NALF1: variants seen among roughly 807,000 people sequenced by gnomAD.
NALF1 encodes family with sequence similarity 155 member A.
NALF1 carries 3 observed loss-of-function variants against 48.4 expected under a neutral mutation model. The observed-to-expected ratio is 0.06, with a 90% CI of 0.03 to 0.16. The LOEUF (loss-of-function observed/expected upper bound fraction) is 0.16, where lower values mean the gene tolerates loss of function less well. Among genes scored for constraint, NALF1 ranks in the 10% least tolerant of loss-of-function variants. NALF1 has a pLI of 1.00. For missense variants in NALF1, 526 were observed against 571.5 expected, an observed-to-expected ratio of 0.92 and a Z score of 0.81; for synonymous variants, 262 against 245.7, an observed-to-expected ratio of 1.07 and a Z score of -0.62.
chr13:107,224,196 A>G (rs1271935125), intron 1 of NALF1, among the ~76,000 whole-genome samples: 1 of 151,950 alleles, frequency 6.6e-6, no homozygotes, highest in Non-Finnish European at 1.5e-5. Context: ...ATTAAATGGC[A>G]GCACCCAGTT....
intron 1 of NALF1, among the ~76,000 whole-genome samples, chr13:107,690,208 GCTC>G (rs1164267818): frequency 1.3e-5 from 2 of 152,172 alleles, no homozygotes; most frequent in African/African-American, 4.8e-5. Flanking sequence ...GTTCTGCTGT[GCTC>G]CTAACTCCAT....
chr13:107,230,376 A>G (rs775901682), intron 1 of NALF1, among the ~76,000 whole-genome samples: 7 of 152,194 alleles, frequency 4.6e-5, no homozygotes, highest in Non-Finnish European at 7.3e-5. Context: ...AAGTAACTCT[A>G]TATCTATGCA....
At chr13:107,708,747 T>C (rs1462630488) in intron 1 of NALF1, among the ~76,000 whole-genome samples, 4 of 152,140 alleles carry the variant, frequency 2.6e-5, no homozygotes, top group African/African-American at 9.7e-5. Flanking sequence ...AACTTCTAAG[T>C]TCCAGGGTAC....
intron 1 of NALF1, among the ~76,000 whole-genome samples, chr13:107,458,491 G>A (rs746880209): frequency 6.6e-6 from 1 of 152,196 alleles, no homozygotes; most frequent in Non-Finnish European, 1.5e-5. Flanking sequence ...ATGAGAAGCA[G>A]GCAGGTATTC....
chr13:107,582,344 T>G (rs4334144), intron 1 of NALF1, among the ~76,000 whole-genome samples: 79,820 of 151,444 alleles, frequency 0.53, 21,670 homozygotes, highest in African/African-American at 0.63. Flanking sequence ...GTAACAAACA[T>G]GACAGTGACG....
intron 1 of NALF1, among the ~76,000 whole-genome samples, chr13:107,428,095 T>A (rs569573990): frequency 6.6e-6 from 1 of 152,302 alleles, no homozygotes; most frequent in African/African-American, 2.4e-5. Flanking sequence ...GATGAGCTCA[T>A]CCTTGAAGGA....
intron 1 of NALF1, among the ~76,000 whole-genome samples, chr13:107,700,232 C>G (rs1429026605): frequency 1.3e-5 from 2 of 151,776 alleles, no homozygotes; most frequent in African/African-American, 2.4e-5. Context: ...TTGGAGGCAT[C>G]AAAATTCCTG....
chr13:107,700,256 TTACAA>T lies in NALF1; in HGVS notation c.915+165421_915+165425del, dbSNP rs555150467. ...TCAAAATTCCTGGTTAAAAATTGTATTACAAAGTTACAGTACTCAGAACAGTATGG... is the reference window on the plus strand; with the variant it reads ...TCAAAATTCCTGGTTAAAAATTGTATAGTTACAGTACTCAGAACAGTATGG... On this transcript the variant is annotated intron_variant, in intron 1 of 2. Coordinates refer to ENST00000375915, the MANE Select transcript of NALF1 (RefSeq NM_001080396.3). Among the ~76,000 whole-genome samples, 5 of 151,990 alleles carry T rather than the reference TTACAA, an allele frequency of 3.3e-5. No homozygotes were observed. In the South Asian group the frequency reaches 1.0e-3, roughly 31 times the overall value.
At chr13:107,208,636 A>G (rs1467560042) in intron 2 of NALF1, among the ~76,000 whole-genome samples, 3 of 152,176 alleles carry the variant, frequency 2.0e-5, no homozygotes, top group African/African-American at 7.2e-5. Flanking sequence ...TAAATGCATA[A>G]ACACAACCTG....
At chr13:107,721,740 A>G (rs1333403750) in intron 1 of NALF1, among the ~76,000 whole-genome samples, 2 of 152,162 alleles carry the variant, frequency 1.3e-5, no homozygotes, top group East Asian at 3.9e-4. Context: ...TCTGCTTCTC[A>G]TTATAATGAT....
At chr13:107,562,674 C>A (rs182378886) in intron 1 of NALF1, among the ~76,000 whole-genome samples, 15 of 152,142 alleles carry the variant, frequency 9.9e-5, no homozygotes, top group Non-Finnish European at 1.9e-4. Context: ...AAACATAATG[C>A]CATTTGTTTC....
At chr13:107,839,993 G>T (rs988763912) in intron 1 of NALF1, among the ~76,000 whole-genome samples, 2 of 150,140 alleles carry the variant, frequency 1.3e-5, no homozygotes, top group Non-Finnish European at 3.0e-5. Flanking sequence ...GTAGACAAAG[G>T]GAGATCTACA....
intron 1 of NALF1, among the ~76,000 whole-genome samples, chr13:107,235,898 G>T (rs1001130391): frequency 2.0e-5 from 3 of 152,202 alleles, no homozygotes; most frequent in Admixed American, 1.3e-4. Flanking sequence ...GAAAGGCATT[G>T]TGTTTCTACT....
At chr13:107,511,452 G>T (rs1038077593) in intron 1 of NALF1, among the ~76,000 whole-genome samples, 1 of 152,098 alleles carries the variant, frequency 6.6e-6, no homozygotes, top group African/African-American at 2.4e-5. Flanking sequence ...ATGTGCAGAG[G>T]AGAAAAATAA....
At chr13:107,631,514 AC>A (rs1343559311) in intron 1 of NALF1, among the ~76,000 whole-genome samples, 1 of 152,164 alleles carries the variant, frequency 6.6e-6, no homozygotes, top group Non-Finnish European at 1.5e-5. Context: ...AATTTGGTAA[AC>A]ATAGCAGAAA....
chr13:107,411,301 G>GTT lies in NALF1; in HGVS notation c.916-200548_916-200547dup, dbSNP rs5806654. Among the ~76,000 whole-genome samples the GTT allele has an allele frequency of 3.4e-3, 459 of 136,406 alleles. 2 individuals carry two copies. Among genetic ancestry groups the GTT allele is most frequent in the African/African-American group, 8.3e-3 (314 of 37,724 alleles). 89.5% of individuals were successfully genotyped at this position (136,406 alleles called of 152,430 possible). A position where few individuals can be genotyped will look rare whatever the true frequency, so the allele number is the denominator to read the frequency against. ...GGCTGAAGGTGAAATGTAGAATCTTGTTTTTTTTTTTTTTTTTAATCAAGA... is the reference window on the plus strand; with the variant it reads ...GGCTGAAGGTGAAATGTAGAATCTTGTTTTTTTTTTTTTTTTTTTAATCAAGA... On this transcript the variant is annotated intron_variant, in intron 1 of 2. Transcript: ENST00000375915.
At chr13:107,339,145 A>G (rs1000147243) in intron 1 of NALF1, among the ~76,000 whole-genome samples, 11 of 151,782 alleles carry the variant, frequency 7.2e-5, no homozygotes, top group Non-Finnish European at 1.5e-4. Flanking sequence ...GAAGAAAAAA[A>G]AAAAAAAAAA....
chr13:107,768,001 G>A (rs149826506), intron 1 of NALF1, among the ~76,000 whole-genome samples: 103 of 152,244 alleles, frequency 6.8e-4, no homozygotes, highest in East Asian at 5.6e-3. Flanking sequence ...CTCAGAACCC[G>A]TCTATGATGA....
intron 2 of NALF1, among the ~76,000 whole-genome samples, chr13:107,186,196 G>C (rs571102107): frequency 3.3e-4 from 50 of 152,000 alleles, no homozygotes; most frequent in African/African-American, 9.9e-4. Context: ...AGCGTTTGAC[G>C]GGGTTTAGTA....
Sources: allele counts gnomAD v4.1 joint callset (sites outside exome capture counted in the v4.1 genomes callset), GRCh38; gene constraint gnomAD v4.1.1; transcripts MANE v1.5; gene names NCBI Gene and HGNC (gene_info 2026-07-23, HGNC 2026-07-21).